TRPM3: variants seen among roughly 807,000 people sequenced by gnomAD.
TRPM3 encodes the protein long transient receptor potential channel 3.
TRPM3 carries 77 observed loss-of-function variants against 181.2 expected under a neutral mutation model. The ratio of observed to expected loss-of-function variants is 0.42; its 90% CI spans 0.35 to 0.51. The LOEUF (loss-of-function observed/expected upper bound fraction) is 0.51, where lower values mean the gene tolerates loss of function less well. TRPM3 is among the 20% of genes least tolerant of loss of function. TRPM3 has a pLI of 0.01. For synonymous variants in TRPM3, 745 were observed against 796.4 expected, an observed-to-expected ratio of 0.94 and a Z score of 1.09; for missense variants, 1,759 against 2,196.7, an observed-to-expected ratio of 0.80 and a Z score of 3.98.
At chr9:70,861,587 T>A (rs1482789731) in intron 3 of TRPM3, among the ~76,000 whole-genome samples, 2 of 152,198 alleles carry the variant, frequency 1.3e-5, no homozygotes, top group Non-Finnish European at 2.9e-5. Context: ...GCATGACTTT[T>A]AACACGTGGT....
chr9:70,625,071 A>C lies in TRPM3; in HGVS notation c.1809+120T>G. 4.3e-5 allele frequency: 40 copies of C among 929,266 alleles called. No individual in the cohort carries two copies. Among genetic ancestry groups the C allele is most frequent in the East Asian group, 5.4e-5 (2 of 37,136 alleles). The allele number at this position is 929,266 out of a possible 1,614,324, so 57.6% of individuals were successfully genotyped here. Reference sequence around the variant, plus strand: ...TTTCATTACTTTTCTTTGATTGTTTAGGTTCACTCTCAGCGCAATTTTCTG... The same window carrying C: ...TTTCATTACTTTTCTTTGATTGTTTCGGTTCACTCTCAGCGCAATTTTCTG... On this transcript the variant is annotated intron_variant, in intron 14 of 25. Coordinates refer to ENST00000677713, the MANE Select transcript of TRPM3 (RefSeq NM_001366145.2). This position sits in a 1 kb window ranked among gnomAD's most constrained non-coding sequence, Gnocchi z 4.8.
intron 19 of TRPM3, among the ~76,000 whole-genome samples, chr9:70,608,381 A>ATTTCAACCCT (rs35793473): frequency 0.68 from 103,698 of 151,520 alleles, 39,074 homozygotes; most frequent in Non-Finnish European, 0.83. Flanking sequence ...TTCAAATTTT[A>ATTTCAACCCT]TTAAAAATGT....
rs78265469 is a variant in TRPM3, at chr9:71,313,913, A to G, written c.183+132740T>C. ...GAACTCCTCGGGCAAGACTGTTAAC[A>G]TTTTAGCAGTTTTGTTTAGAATTTT... On this transcript the variant is annotated intron_variant, in intron 1 of 24. Coordinates refer to the TRPM3 transcript ENST00000357533. Among the ~76,000 whole-genome samples, 698 of 152,322 alleles carry G rather than the reference A, an allele frequency of 4.6e-3. 5 individuals are homozygous for G. Among genetic ancestry groups the G allele is most frequent in the African/African-American group, 0.016 (663 of 41,590 alleles).
chr9:71,172,369 T>C (rs1425201014), intron 1 of TRPM3, among the ~76,000 whole-genome samples: 1 of 152,152 alleles, frequency 6.6e-6, no homozygotes, highest in East Asian at 1.9e-4. Context: ...GTTTTATCAT[T>C]GTCATGTTCA....
At chr9:70,843,870 T>C (rs2094827839) in intron 4 of TRPM3, among the ~76,000 whole-genome samples, 1 of 152,200 alleles carries the variant, frequency 6.6e-6, no homozygotes, top group African/African-American at 2.4e-5. Flanking sequence ...GGAAGATGTA[T>C]AAGATATATC....
chr9:70,680,661 T>C (rs1357499787), intron 9 of TRPM3, among the ~76,000 whole-genome samples: 1 of 152,200 alleles, frequency 6.6e-6, no homozygotes, highest in Non-Finnish European at 1.5e-5. Flanking sequence ...TAAGAGAGAA[T>C]GTAGGAGACA....
intron 1 of TRPM3, among the ~76,000 whole-genome samples, chr9:71,375,702 G>A (rs1272460709): frequency 6.6e-6 from 1 of 152,050 alleles, no homozygotes; most frequent in Non-Finnish European, 1.5e-5. Flanking sequence ...CCTATTTTAA[G>A]AAATTGCTAC....
intron 1 of TRPM3, among the ~76,000 whole-genome samples, chr9:71,220,355 A>ATTT (rs869171438): frequency 4.9e-5 from 5 of 102,634 alleles, no homozygotes; most frequent in African/African-American, 1.7e-4. Context: ...GAAAAGTCTG[A>ATTT]TTTATTATTA....
intron 9 of TRPM3, among the ~76,000 whole-genome samples, chr9:70,655,100 G>T (rs1215710948): frequency 6.6e-6 from 1 of 150,744 alleles, no homozygotes; most frequent in Admixed American, 6.6e-5. Flanking sequence ...AAGGTCAGGA[G>T]TTCGAGACCA....
chr9:71,105,088 G>GA (rs1248835257), intron 1 of TRPM3, among the ~76,000 whole-genome samples: 1 of 152,094 alleles, frequency 6.6e-6, no homozygotes, highest in Non-Finnish European at 1.5e-5. Flanking sequence ...CTACTAACAG[G>GA]AAAAAAGATA....
At chr9:70,614,315 TAAAA>T (rs11324706) in intron 18 of TRPM3, among the ~76,000 whole-genome samples, 2 of 126,632 alleles carry the variant, frequency 1.6e-5, no homozygotes, top group Non-Finnish European at 1.7e-5. Flanking sequence ...GGCAATCTCT[TAAAA>T]AAAAAAAAAA....
intron 1 of TRPM3, among the ~76,000 whole-genome samples, chr9:70,882,980 C>T (rs957687359): frequency 1.6e-4 from 25 of 152,202 alleles, no homozygotes; most frequent in African/African-American, 6.0e-4. Context: ...GAAACATTTC[C>T]AAAAACAACA....
intron 1 of TRPM3, among the ~76,000 whole-genome samples, chr9:71,166,644 G>A (rs1488690820): frequency 2.0e-5 from 3 of 152,134 alleles, no homozygotes; most frequent in African/African-American, 7.2e-5. Flanking sequence ...TGTGACTGAA[G>A]AAATAAAAAT....
chr9:71,231,826 G>C (rs1230260888), intron 1 of TRPM3, among the ~76,000 whole-genome samples: 1 of 152,120 alleles, frequency 6.6e-6, no homozygotes, highest in Non-Finnish European at 1.5e-5. Context: ...TACCCACCAG[G>C]TACTACGCTC....
intron 1 of TRPM3, among the ~76,000 whole-genome samples, chr9:70,884,077 A>G (rs1025313793): frequency 6.5e-4 from 99 of 151,822 alleles, no homozygotes; most frequent in Non-Finnish European, 1.3e-3. Context: ...AGGGAATTTC[A>G]TTTTCAGCAT....
chr9:71,241,422 C>T (rs376804143), intron 1 of TRPM3, among the ~76,000 whole-genome samples: 2 of 149,408 alleles, frequency 1.3e-5, no homozygotes, highest in South Asian at 2.1e-4. Flanking sequence ...CGCATGTTCT[C>T]ACTCATAGGT....
chr9:71,107,982 T>C (rs540116585), intron 1 of TRPM3, among the ~76,000 whole-genome samples: 1 of 152,302 alleles, frequency 6.6e-6, no homozygotes, highest in Admixed American at 6.5e-5. Flanking sequence ...CTTTTGTCAG[T>C]GGTGAAACCA....
intron 1 of TRPM3, among the ~76,000 whole-genome samples, chr9:71,033,172 A>G (rs2057747394): frequency 6.6e-6 from 1 of 152,216 alleles, no homozygotes. Context: ...CCCTTAAAGC[A>G]AAAGGAAATG....
intron 1 of TRPM3, among the ~76,000 whole-genome samples, chr9:70,993,316 C>T (rs2097506723): frequency 6.6e-6 from 1 of 152,016 alleles, no homozygotes; most frequent in East Asian, 1.9e-4. Context: ...GAGGTGATGG[C>T]AGTTTTACAT....
Sources: allele counts gnomAD v4.1 joint callset (sites outside exome capture counted in the v4.1 genomes callset), GRCh38; gene constraint gnomAD v4.1.1; non-coding constraint Gnocchi (gnomAD v3.1); transcripts MANE v1.5; gene names NCBI Gene and HGNC (gene_info 2026-07-23, HGNC 2026-07-21).